WDR72: variants seen among roughly 807,000 people sequenced by gnomAD.
WDR72 encodes WD repeat domain 72, also known as WD repeat-containing protein 72.
Under a neutral mutation model 124.2 loss-of-function variants are expected in WDR72, and 120 were observed. The observed-to-expected ratio is 0.97, with a 90% confidence interval of 0.83 to 1.12. The LOEUF (loss-of-function observed/expected upper bound fraction) is 1.12, where lower values mean the gene tolerates loss of function less well. Ranked by LOEUF, WDR72 falls within the 50% of genes most tolerant of loss-of-function variation. The probability of loss-of-function intolerance (pLI) is 0.00; values close to 1 mark genes in which losing one functional copy is unlikely to be tolerated. For missense variants in WDR72, 1,387 were observed against 1,278.8 expected, an observed-to-expected ratio of 1.08 and a Z score of -1.29; for synonymous variants, 452 against 441.7, an observed-to-expected ratio of 1.02 and a Z score of -0.29.
At chr15:53,625,346 T>C (rs1301325729) in intron 14 of WDR72, among the ~76,000 whole-genome samples, 4 of 152,210 alleles carry the variant, frequency 2.6e-5, no homozygotes, top group Non-Finnish European at 4.4e-5. Context: ...TATTGCATCA[T>C]AGACAAGGTC....
chr15:53,657,263 C>CAAA lies in WDR72; in HGVS notation c.1962+8306_1962+8308dup, dbSNP rs10549551. On this transcript the variant is annotated intron_variant, in intron 14 of 19. Coordinates refer to ENST00000360509, the MANE Select transcript of WDR72 (RefSeq NM_182758.4). The stretch of plus-strand genomic sequence containing the variant: ...TGGGCAAAAGAGCGAGACTCCATCT[C>CAAA]AAAAAAAAAAAAAAAAAAAAAAAAA... 3.0e-3 allele frequency among the ~76,000 whole-genome samples: 170 copies of CAAA among 56,414 alleles called. 4 individuals are homozygous for CAAA. The highest frequency in any genetic ancestry group is 0.018 in the East Asian group (25 of 1,362). 37.0% of individuals were successfully genotyped at this position (56,414 alleles called of 152,430 possible). A position where few individuals can be genotyped will look rare whatever the true frequency, so the allele number is the denominator to read the frequency against.
intron 18 of WDR72, among the ~76,000 whole-genome samples, chr15:53,538,893 T>C (rs1259331075): frequency 3.3e-5 from 5 of 152,158 alleles, no homozygotes; most frequent in Non-Finnish European, 7.4e-5. Context: ...ATATAAGTAG[T>C]GCCTTGCTTT....
intron 14 of WDR72, among the ~76,000 whole-genome samples, chr15:53,647,545 A>AT (rs1367851184): frequency 6.6e-6 from 1 of 151,864 alleles, no homozygotes; most frequent in Admixed American, 6.6e-5. Flanking sequence ...AATCATTAGT[A>AT]TTTTTTTCCT....
chr15:53,675,108 G>A (rs2016122626), intron 13 of WDR72, among the ~76,000 whole-genome samples: 1 of 152,060 alleles, frequency 6.6e-6, no homozygotes, highest in Non-Finnish European at 1.5e-5. Context: ...ACTTTGGGAG[G>A]CCGAAGCAGG....
At chr15:53,562,217 T>C (rs1395036092) in intron 18 of WDR72, among the ~76,000 whole-genome samples, 1 of 151,814 alleles carries the variant, frequency 6.6e-6, no homozygotes. Context: ...CCAGTTATTT[T>C]TGACTACAGA....
chr15:53,610,564 CAT>C (rs1234568171), intron 16 of WDR72, among the ~76,000 whole-genome samples: 2 of 145,998 alleles, frequency 1.4e-5, no homozygotes, highest in Admixed American at 6.7e-5. Context: ...TTTATATTAA[CAT>C]ATGAGGTATA....
At chr15:53,687,893 C>A (rs1173668652) in intron 13 of WDR72, among the ~76,000 whole-genome samples, 1 of 149,568 alleles carries the variant, frequency 6.7e-6, no homozygotes, top group Admixed American at 6.6e-5. Flanking sequence ...CCCTGGGATG[C>A]AAGGCTGGTT....
At chr15:53,698,030 T>C (rs1595858191) in intron 13 of WDR72, among the ~76,000 whole-genome samples, 1 of 152,344 alleles carries the variant, frequency 6.6e-6, no homozygotes, top group South Asian at 2.1e-4. Context: ...GATAGGATTA[T>C]TTGTTTTTCT....
chr15:53,617,773 A>G lies in WDR72; in HGVS notation c.1963-1530T>C, dbSNP rs75795928. Among the ~76,000 whole-genome samples the G allele has an allele frequency of 2.1e-3, 325 of 152,084 alleles. 1 individual carries two copies. Among genetic ancestry groups the G allele is most frequent in the African/African-American group, 6.8e-3 (284 of 41,538 alleles). ...ATTAATTTCACCATTATGTTCATCA[A>G]AGCAGCCAGACATAAAAGAATTAGC... On this transcript the variant is annotated intron_variant, in intron 14 of 19. Coordinates refer to ENST00000360509, the MANE Select transcript of WDR72 (RefSeq NM_182758.4).
chr15:53,708,430 G>C lies in WDR72; in HGVS notation c.955-2356C>G, dbSNP rs528265092. Among the ~76,000 whole-genome samples the C allele has an allele frequency of 7.2e-5, 11 of 152,270 alleles. No homozygotes were observed. The Middle Eastern group carries it at 0.014, about 188-fold the overall frequency. On this transcript the variant is annotated intron_variant, in intron 9 of 19. Coordinates refer to ENST00000360509, the MANE Select transcript of WDR72 (RefSeq NM_182758.4). Reference sequence around the variant, plus strand: ...GGATTAATGAGTAGATAAAGATAAGGTGCACAGGATGGTCCCTGACATTTA... The same window carrying C: ...GGATTAATGAGTAGATAAAGATAAGCTGCACAGGATGGTCCCTGACATTTA...
chr15:53,682,609 C>T (rs2016434266), intron 13 of WDR72, among the ~76,000 whole-genome samples: 1 of 152,056 alleles, frequency 6.6e-6, no homozygotes, highest in African/African-American at 2.4e-5. Flanking sequence ...CTTATTCCAC[C>T]AGATACCCTA....
At chr15:53,724,760 T>C (rs1028781201) in intron 2 of WDR72, among the ~76,000 whole-genome samples, 2 of 152,172 alleles carry the variant, frequency 1.3e-5, no homozygotes, top group African/African-American at 4.8e-5. Flanking sequence ...CATTTCACAA[T>C]GTATTCATAT....
At chr15:53,723,712 T>C (rs866646564) in intron 2 of WDR72, among the ~76,000 whole-genome samples, 1 of 152,228 alleles carries the variant, frequency 6.6e-6, no homozygotes, top group South Asian at 2.1e-4. Flanking sequence ...TATTGGCATA[T>C]AGCCTATGAA....
At chr15:53,519,287 C>G (rs1891648796) in intron 19 of WDR72, among the ~76,000 whole-genome samples, 2 of 152,084 alleles carry the variant, frequency 1.3e-5, no homozygotes, top group South Asian at 2.1e-4. Context: ...AAGAAGTTAA[C>G]CAGCAAAAGG....
Position 53,570,936 on chromosome 15 carries a change from G to A in WDR72, c.3148+26143C>T, listed in dbSNP as rs191780021. On this transcript the variant is annotated intron_variant, in intron 18 of 19. Coordinates refer to ENST00000360509, the MANE Select transcript of WDR72 (RefSeq NM_182758.4). ...GAAATCTTGTCCTTTGCAGCGACAT[G>A]GATGCAGCTGGAGGCTATTATCCAA... 4.2e-3 allele frequency among the ~76,000 whole-genome samples: 644 copies of A among 152,246 alleles called. 1 individual carries two copies. Among genetic ancestry groups the A allele is most frequent in the Non-Finnish European group, 6.8e-3 (465 of 67,990 alleles).
At chr15:53,639,565 T>G (rs1222270885) in intron 14 of WDR72, among the ~76,000 whole-genome samples, 1 of 147,638 alleles carries the variant, frequency 6.8e-6, no homozygotes, top group Admixed American at 6.8e-5. Context: ...TATAAAATTA[T>G]ATATAATGTT....
chr15:53,570,262 A>ATTTTT (rs34458553), intron 18 of WDR72, among the ~76,000 whole-genome samples: 1 of 146,494 alleles, frequency 6.8e-6, no homozygotes. Flanking sequence ...CTCATATACC[A>ATTTTT]TTTTTTTTTT....
intron 14 of WDR72, among the ~76,000 whole-genome samples, chr15:53,643,720 G>A (rs1053077837): frequency 2.0e-5 from 3 of 149,306 alleles, no homozygotes; most frequent in Admixed American, 1.3e-4. Flanking sequence ...AAACTGAAAC[G>A]TGCGTGTATG....
chr15:53,596,262 T>C (rs2140338293), intron 18 of WDR72, among the ~76,000 whole-genome samples: 1 of 152,310 alleles, frequency 6.6e-6, no homozygotes, highest in South Asian at 2.1e-4. Context: ...AATGTATTCA[T>C]GAAAAGCTTA....
Sources: gnomAD v4.1 joint callset for allele counts (sites outside exome capture counted in the v4.1 genomes callset) on GRCh38, gnomAD v4.1.1 for gene constraint, MANE v1.5 for transcripts, NCBI Gene and HGNC (gene_info 2026-07-23, HGNC 2026-07-21) for gene names.